MPPE1: variants seen among roughly 807,000 people sequenced by gnomAD.
The protein encoded by MPPE1 is metallophosphoesterase 1, also known as metallo phosphoesterase.
MPPE1 carries 28 observed loss-of-function variants against 43.8 expected under a neutral mutation model. The ratio of observed to expected loss-of-function variants is 0.64; its 90% CI spans 0.47 to 0.88. The LOEUF (loss-of-function observed/expected upper bound fraction) is 0.88. Ranked by LOEUF, MPPE1 falls within the 40% of genes least tolerant of loss-of-function variation. The probability of loss-of-function intolerance (pLI) is 0.00; values close to 1 mark genes in which losing one functional copy is unlikely to be tolerated. For synonymous variants in MPPE1, 159 were observed against 188.5 expected, an observed-to-expected ratio of 0.84 and a Z score of 1.28; for missense variants, 428 against 492.2, an observed-to-expected ratio of 0.87 and a Z score of 1.23.
intron 4 of MPPE1, among the ~76,000 whole-genome samples, 160 bp from the exon 5 acceptor site, chr18:11,889,650 T>G (rs1309183292): frequency 6.6e-6 from 1 of 151,904 alleles, no homozygotes; most frequent in East Asian, 1.9e-4. Context: ...GCAACCTCCA[T>G]CTCCCACATT....
In MPPE1 at chr18:11,886,994, C is replaced by T. The variant is rs745864672; in HGVS notation, c.601G>A (p.Gly201Arg). Reference protein sequence around the residue: ...FVMVNSVALNGDGCGICSETE... With the variant: ...FVMVNSVALNRDGCGICSETE... ...TCAGAGCAGATGCCACAGCCATCCC[C>T]GTTCAGCGCCACGCTGTTGACCATC... Residue 201 changes from glycine (G) to arginine (R), a missense_variant, in exon 7 of 11, where the codon GGG becomes AGG. Transcript: ENST00000588072. The surrounding 1 kb of genome is among the most constrained non-coding windows in gnomAD (Gnocchi z 4.1). The T allele has an allele frequency of 1.5e-5, 24 of 1,613,714 alleles. No individual in the cohort carries two copies. The African/African-American group carries it at 2.7e-4, about 18-fold the overall frequency.
Position 11,885,148 on chromosome 18 carries a change from G to A in MPPE1, c.1009-521C>T. ...TTTCATTTACTTTGAATTTGAAAAT[G>A]TTAGGGTTTCCTCCACCTTTTTATG... On this transcript the variant is annotated intron_variant, in intron 10 of 10. Transcript: ENST00000588072. 4.4e-6 allele frequency: 4 copies of A among 906,166 alleles called. No homozygotes were observed. In the South Asian group the frequency reaches 7.0e-5, roughly 16 times the overall value. 56.1% of individuals were successfully genotyped at this position (906,166 alleles called of 1,614,324 possible).
In MPPE1 at chr18:11,885,603, A is replaced by T. The variant is rs2037099362; in HGVS notation, c.1008+73T>A. 2.0e-6 allele frequency: 3 copies of T among 1,534,526 alleles called. No individual in the cohort carries two copies. In the South Asian group the frequency reaches 3.6e-5, roughly 18 times the overall value. On this transcript the variant is annotated intron_variant, in intron 10 of 10. Transcript: ENST00000588072. Reference sequence around the variant, plus strand: ...TTGTAAATTTTGACCGATTGCAGCAATTAAATAGTTGATTACTGTGTTGAT... The same window carrying T: ...TTGTAAATTTTGACCGATTGCAGCATTTAAATAGTTGATTACTGTGTTGAT...
chr18:11,896,885 A>G lies in MPPE1; in HGVS notation c.281+99T>C, dbSNP rs185657367. 267 of 1,090,996 alleles carry G rather than the reference A, an allele frequency of 2.4e-4. No individual in the cohort carries two copies. The African/African-American group carries it at 3.8e-3, about 16-fold the overall frequency. 67.6% of individuals were successfully genotyped at this position (1,090,996 alleles called of 1,614,324 possible). A position where few individuals can be genotyped will look rare whatever the true frequency, so the allele number is the denominator to read the frequency against. ...AAATGTCCTCCTTTGAGAGGAAAAT[A>G]ACTAAGAGTAACCTAAAGCCATAAG... On this transcript the variant is annotated intron_variant, in intron 3 of 10. Coordinates refer to ENST00000588072, the MANE Select transcript of MPPE1 (RefSeq NM_023075.6).
At chr18:11,896,465 T>C (rs2038627590) in intron 3 of MPPE1, among the ~76,000 whole-genome samples, 1 of 152,022 alleles carries the variant, frequency 6.6e-6, no homozygotes, top group Non-Finnish European at 1.5e-5. Flanking sequence ...GGGGCAGGTG[T>C]GAGTTGGAAA....
Position 11,883,343 on chromosome 18 carries a change from C to G in MPPE1, c.*1102G>C, listed in dbSNP as rs373952303. 3.9e-5 allele frequency: 6 copies of G among 153,028 alleles called. 1 individual carries two copies. Among genetic ancestry groups the G allele is most frequent in the Admixed American group, 1.3e-4 (2 of 15,284 alleles). 9.5% of individuals were successfully genotyped at this position (153,028 alleles called of 1,614,324 possible). On this transcript the variant is annotated 3_prime_UTR_variant, in exon 11 of 11. Coordinates refer to ENST00000588072, the MANE Select transcript of MPPE1 (RefSeq NM_023075.6). The stretch of plus-strand genomic sequence containing the variant: ...CAAGAAAACTGAAAAGCTGCACCCC[C>G]AGCAAGAAAGGGAAGTATGCTGTTG...
chr18:11,896,456 G>C (rs2038626286), intron 3 of MPPE1, among the ~76,000 whole-genome samples: 1 of 152,152 alleles, frequency 6.6e-6, no homozygotes, highest in African/African-American at 2.4e-5. Flanking sequence ...GACCATGCAG[G>C]GGCAGGTGTG....
Position 11,884,548 on chromosome 18 carries a change from C to A in MPPE1, c.1088G>T (p.Gly363Val), listed in dbSNP as rs758771933. 1 of 1,614,066 alleles carries A rather than the reference C, an allele frequency of 6.2e-7. No homozygotes were observed. The stretch of plus-strand genomic sequence containing the variant: ...GAGGACCACAAGGAAGCCCACCACT[C>A]CACAGTAGATGATCAAAACCACATC... ...REDVVLIIYC[G>V]VVGFLVVLTL... The change falls in exon 11 of 11, where the codon GGA becomes GTA. Residue 363 changes from glycine to valine, a missense_variant. Transcript: ENST00000588072.
rs10083973 is a variant in MPPE1, at chr18:11,884,938, C to T, written c.1009-311G>A. The T allele has an allele frequency of 6.2e-3, 7,995 of 1,287,220 alleles. 390 individuals carry two copies. The African/African-American group carries it at 0.11, about 17-fold the overall frequency. 79.7% of individuals were successfully genotyped at this position (1,287,220 alleles called of 1,614,324 possible). ...ATCAAATATAGTGGGGGATCCATAA[C>T]AGAGATTCAGAGAGGCACCGTGGAG... On this transcript the variant is annotated intron_variant, in intron 10 of 10. Coordinates refer to ENST00000588072, the MANE Select transcript of MPPE1 (RefSeq NM_023075.6).
Position 11,886,785 on chromosome 18 carries a change from G to C in MPPE1, c.679-7C>G, listed in dbSNP as rs766531439. ...ACCGGCTGGAGCCACGTGCCTGCTG[G>C]GTACAAGTCAGGCCATTAATCCGCA... On this transcript the variant is annotated splice_polypyrimidine_tract_variant and splice_region_variant and intron_variant, in intron 7 of 10. Coordinates refer to ENST00000588072, the MANE Select transcript of MPPE1 (RefSeq NM_023075.6). The surrounding 1 kb of genome is among the most constrained non-coding windows in gnomAD (Gnocchi z 4.1). The C allele has an allele frequency of 1.2e-6, 2 of 1,611,788 alleles. No individual in the cohort carries two copies. Among genetic ancestry groups the C allele is most frequent in the Non-Finnish European group, 1.7e-6 (2 of 1,179,090 alleles).
chr18:11,886,175 C>G lies in MPPE1; in HGVS notation c.867+324G>C. On this transcript the variant is annotated intron_variant, in intron 9 of 10. Coordinates refer to ENST00000588072, the MANE Select transcript of MPPE1 (RefSeq NM_023075.6). The surrounding 1 kb of genome is among the most constrained non-coding windows in gnomAD (Gnocchi z 4.1). ...AAATGCATTTTAATTTTAATTAAGT[C>G]CCTAAAAAATTGACTTTTCAGTTCC... 1 of 263,860 alleles carries G rather than the reference C, an allele frequency of 3.8e-6. No individual in the cohort carries two copies. The highest frequency in any genetic ancestry group is 7.2e-6 in the Non-Finnish European group (1 of 139,350). 16.3% of individuals were successfully genotyped at this position (263,860 alleles called of 1,614,324 possible).
At chr18:11,897,851 A>G (rs1236730919) in intron 2 of MPPE1, among the ~76,000 whole-genome samples, 3 of 152,308 alleles carry the variant, frequency 2.0e-5, no homozygotes, top group Middle Eastern at 6.8e-3. Context: ...TTCATGGACA[A>G]TGTGCTTCAA....
intron 3 of MPPE1, among the ~76,000 whole-genome samples, chr18:11,896,144 C>CA: frequency 7.2e-6 from 1 of 139,760 alleles, no homozygotes; most frequent in East Asian, 2.1e-4. Flanking sequence ...CTCTGTTGCC[C>CA]AGGCTGGAGT....
In MPPE1 at chr18:11,888,303, T is replaced by C. The variant is rs533655828; in HGVS notation, c.569+366A>G. On this transcript the variant is annotated intron_variant, in intron 6 of 10. Transcript: ENST00000588072. ...GACACCATAACTACGAGAACAGTCTTTGTAACGTGAAATTAGTATATTTTG... is the reference window on the plus strand; with the variant it reads ...GACACCATAACTACGAGAACAGTCTCTGTAACGTGAAATTAGTATATTTTG... 2.6e-5 allele frequency among the ~76,000 whole-genome samples: 4 copies of C among 152,304 alleles called. No homozygotes were observed. The South Asian group carries it at 8.3e-4, about 32-fold the overall frequency.
intron 10 of MPPE1, 100 bp downstream of exon 10, chr18:11,885,575 CT>C (rs2037092318): frequency 7.0e-7 from 1 of 1,421,022 alleles, no homozygotes; most frequent in Admixed American, 2.0e-5. Context: ...TTGTGTGTGG[CT>C]TTTGTAAATT....
In MPPE1 at chr18:11,885,759, C is replaced by T. The variant is rs769880201; in HGVS notation, c.925G>A (p.Glu309Lys). ...VLSGHTHSAC[E>K]VHHGGRVPEL... ...GGGACTCGGCCCCCGTGGTGCACCT[C>T]GCAGGCGCTGTGCGTGTGGCCACTG... Residue 309 changes from glutamate (E) to lysine (K), a missense_variant, in exon 10 of 11, where the codon GAG becomes AAG. By Grantham distance (56) the Glu-to-Lys change is moderately conservative (BLOSUM62 1). This residue lies in a region of MPPE1 where 379 missense variants were observed against 402.5 expected (regional missense o/e 0.94). Coordinates refer to ENST00000588072, the MANE Select transcript of MPPE1 (RefSeq NM_023075.6). The T allele has an allele frequency of 1.3e-5, 21 of 1,613,852 alleles. No individual in the cohort carries two copies. Among genetic ancestry groups the T allele is most frequent in the African/African-American group, 4.0e-5 (3 of 74,942 alleles).
chr18:11,886,367 C>A lies in MPPE1; in HGVS notation c.867+132G>T. ...GTGAAAGCCAGGCCTCCACCCCTGT[C>A]CCCCCAGGTGATAACTAAGTCATGA... On this transcript the variant is annotated intron_variant, in intron 9 of 10. Transcript: ENST00000588072. The surrounding 1 kb of genome is among the most constrained non-coding windows in gnomAD (Gnocchi z 4.1). 7.8e-7 allele frequency: 1 copy of A among 1,277,320 alleles called. No homozygotes were observed. The highest frequency in any genetic ancestry group is 1.1e-6 in the Non-Finnish European group (1 of 895,950). 79.1% of individuals were successfully genotyped at this position (1,277,320 alleles called of 1,614,324 possible).
chr18:11,904,354 A>T (rs1179728279), intron 2 of MPPE1, among the ~76,000 whole-genome samples: 4 of 150,608 alleles, frequency 2.7e-5, no homozygotes, highest in Admixed American at 6.6e-5. Context: ...TCGCCCTGTC[A>T]CCCACGCTGG....
Position 11,885,768 on chromosome 18 carries a change from T to C in MPPE1, c.916A>G (p.Ser306Gly). 6.2e-7 allele frequency: 1 copy of C among 1,613,582 alleles called. No individual in the cohort carries two copies. The highest frequency in any genetic ancestry group is 8.5e-7 in the Non-Finnish European group (1 of 1,179,672). ...CCCCCGTGGTGCACCTCGCAGGCGC[T>C]GTGCGTGTGGCCACTGAGAACCAGG... Reference protein sequence around the residue: ...PRLVLSGHTHSACEVHHGGRV... With the variant: ...PRLVLSGHTHGACEVHHGGRV... The change falls in exon 10 of 11, where the codon AGC (serine) becomes GGC (glycine). Residue 306 changes from serine (S) to glycine (G), a missense_variant. This residue lies in a region of MPPE1 where 379 missense variants were observed against 402.5 expected (regional missense o/e 0.94). Coordinates refer to ENST00000588072, the MANE Select transcript of MPPE1 (RefSeq NM_023075.6).
Sources: allele counts gnomAD v4.1 joint callset (sites outside exome capture counted in the v4.1 genomes callset), GRCh38; gene constraint gnomAD v4.1.1; regional missense constraint gnomAD v4.1.1; non-coding constraint Gnocchi (gnomAD v3.1); transcripts MANE v1.5; gene names NCBI Gene and HGNC (gene_info 2026-07-23, HGNC 2026-07-21).